The following DNAH9 variants were observed in gnomAD, a reference collection of about 807,000 sequenced individuals.
DNAH9 encodes DNAH9 variant protein.
DNAH9 carries 345 observed loss-of-function variants against 471.6 expected under a neutral mutation model. That is an observed-to-expected ratio of 0.73 (90% CI 0.67 to 0.80). DNAH9 has a LOEUF of 0.80. Among genes scored for constraint, DNAH9 ranks in the 30% least tolerant of loss-of-function variants. The pLI is 0.00. For synonymous variants in DNAH9, 2,093 were observed against 2,123.6 expected (o/e 0.99, Z 0.40); for missense variants, 5,407 against 5,609.2 (o/e 0.96, Z 1.15).
intron 4 of DNAH9, among the ~76,000 whole-genome samples, chr17:11,616,655 A>T (rs1041886323): frequency 6.6e-6 from 1 of 152,180 alleles, no homozygotes; most frequent in Non-Finnish European, 1.5e-5. Flanking sequence ...GCCATAACCC[A>T]TCTATGTTAT....
At chr17:11,735,427 TTTTTG>T (rs545975130) in intron 28 of DNAH9, among the ~76,000 whole-genome samples, 110 of 152,184 alleles carry the variant, frequency 7.2e-4, no homozygotes, top group African/African-American at 2.5e-3. Flanking sequence ...TTGTTTTGTT[TTTTTG>T]TTTTGTTTTG....
intron 62 of DNAH9, among the ~76,000 whole-genome samples, chr17:11,926,677 T>C (rs1260516705): frequency 6.6e-6 from 1 of 152,222 alleles, no homozygotes; most frequent in East Asian, 1.9e-4. Context: ...GTTGGGTTGA[T>C]TCCAAGTCTT....
chr17:11,783,892 G>A (rs1431507259), intron 40 of DNAH9, 144 bp downstream of exon 40: 1 of 668,736 alleles, frequency 1.5e-6, no homozygotes, highest in Admixed American at 2.8e-5. Context: ...TGCATCTCTA[G>A]GGGAAAAGAG....
intron 19 of DNAH9, among the ~76,000 whole-genome samples, chr17:11,681,510 C>G (rs917594090): frequency 5.9e-5 from 9 of 152,188 alleles, no homozygotes; most frequent in African/African-American, 1.9e-4. Flanking sequence ...TGCTCAGCAT[C>G]AACGGCTCCA....
chr17:11,644,749 G>C (rs904934157), intron 11 of DNAH9, 50 bp downstream of exon 11: 2 of 1,304,914 alleles, frequency 1.5e-6, no homozygotes, highest in African/African-American at 2.9e-5. Context: ...CAGCCTCCAT[G>C]CTGCCTTTTG....
chr17:11,641,652 C>T (rs2073274524), intron 10 of DNAH9, among the ~76,000 whole-genome samples: 1 of 151,930 alleles, frequency 6.6e-6, no homozygotes, highest in Non-Finnish European at 1.5e-5. Context: ...TAGATCTGAG[C>T]CCTCATGCAT....
At chr17:11,931,096 C>T (rs1974495981) in intron 63 of DNAH9, among the ~76,000 whole-genome samples, 1 of 152,202 alleles carries the variant, frequency 6.6e-6, no homozygotes, top group African/African-American at 2.4e-5. Context: ...CTTTTTGGTT[C>T]TCTCTTGGGA....
intron 1 of DNAH9, among the ~76,000 whole-genome samples, chr17:11,604,089 C>A (rs1050496753): frequency 6.6e-6 from 1 of 151,124 alleles, no homozygotes; most frequent in Non-Finnish European, 1.5e-5. Flanking sequence ...GTGGCATGAT[C>A]TCCGCTTGCT....
At chr17:11,726,918 C>T (rs1245154181) in intron 27 of DNAH9, among the ~76,000 whole-genome samples, 1 of 151,976 alleles carries the variant, frequency 6.6e-6, no homozygotes, top group Non-Finnish European at 1.5e-5. Flanking sequence ...CATGGTGGTG[C>T]ACGCCTGTAA....
rs1240826266 is a variant in DNAH9, at chr17:11,608,732, C to T, written c.614+407C>T. Among the ~76,000 whole-genome samples, 3 of 152,300 alleles carry T rather than the reference C, an allele frequency of 2.0e-5. No individual in the cohort carries two copies. The South Asian group carries it at 6.2e-4, about 32-fold the overall frequency. On this transcript the variant is annotated intron_variant, in intron 2 of 68. Transcript: ENST00000262442. The stretch of plus-strand genomic sequence containing the variant: ...ACATAATGTCACAGAACTATCGCTG[C>T]CGGCTCTTGTTACAGTTCCAGACTC...
intron 14 of DNAH9, 82 bp downstream of exon 14, chr17:11,653,084 G>A (rs2073549758): frequency 6.9e-7 from 1 of 1,447,252 alleles, no homozygotes; most frequent in Non-Finnish European, 9.5e-7. Flanking sequence ...TAAGTGATTA[G>A]GACAGTCAGT....
At chr17:11,716,585 T>C (rs2074968386) in intron 26 of DNAH9, among the ~76,000 whole-genome samples, 1 of 152,212 alleles carries the variant, frequency 6.6e-6, no homozygotes, top group East Asian at 1.9e-4. Context: ...CCCCAAAAGA[T>C]AATCAGAAGC....
At chr17:11,614,269 G>A (rs750270232) in intron 4 of DNAH9, among the ~76,000 whole-genome samples, 18 of 152,066 alleles carry the variant, frequency 1.2e-4, no homozygotes, top group Non-Finnish European at 2.2e-4. Context: ...CATGGTCAGG[G>A]TCGTTTATTG....
At chr17:11,724,550 A>G (rs1000224867) in intron 27 of DNAH9, among the ~76,000 whole-genome samples, 1 of 152,354 alleles carries the variant, frequency 6.6e-6, no homozygotes, top group South Asian at 2.1e-4. Flanking sequence ...TTGTGTGTAT[A>G]TACTACATTT....
At chr17:11,688,698 T>C (rs899801550) in intron 19 of DNAH9, among the ~76,000 whole-genome samples, 13 of 152,126 alleles carry the variant, frequency 8.5e-5, no homozygotes, top group African/African-American at 2.9e-4. Flanking sequence ...TTACAAAGCT[T>C]TCAGAAGATC....
chr17:11,747,845 A>G (rs1197786975), intron 32 of DNAH9, 79 bp downstream of exon 32: 8 of 1,293,164 alleles, frequency 6.2e-6, no homozygotes, highest in Middle Eastern at 2.0e-4. Context: ...AGTTGGGTGA[A>G]TTGCAGAAGC....
chr17:11,915,877 T>G (rs1425374559), intron 61 of DNAH9, among the ~76,000 whole-genome samples: 1 of 152,246 alleles, frequency 6.6e-6, no homozygotes, highest in Non-Finnish European at 1.5e-5. Context: ...GTTATAATTT[T>G]AACTTATGTT....
At chr17:11,879,744 A>G (rs1281790730) in intron 53 of DNAH9, among the ~76,000 whole-genome samples, 1 of 152,196 alleles carries the variant, frequency 6.6e-6, no homozygotes, top group Non-Finnish European at 1.5e-5. Context: ...AACAGGTTAT[A>G]AAACAAAACA....
At chr17:11,963,462 C>T (rs1976415288) in intron 68 of DNAH9, among the ~76,000 whole-genome samples, 1 of 151,406 alleles carries the variant, frequency 6.6e-6, no homozygotes, top group Non-Finnish European at 1.5e-5. Context: ...ACAACGACCA[C>T]ATAGATGGGC....
Sources: gnomAD v4.1 joint callset for allele counts (sites outside exome capture counted in the v4.1 genomes callset) on GRCh38, gnomAD v4.1.1 for gene constraint, MANE v1.5 for transcripts, NCBI Gene and HGNC (gene_info 2026-07-23, HGNC 2026-07-21) for gene names.